The following UTRN variants were observed in gnomAD, a reference collection of about 807,000 sequenced individuals.
UTRN encodes dystrophin-related protein 1.
UTRN carries 283 observed loss-of-function variants against 463.9 expected under a neutral mutation model. The observed-to-expected ratio is 0.61, with a 90% CI of 0.55 to 0.67. The LOEUF is 0.67. Among genes scored for constraint, UTRN ranks in the 30% least tolerant of loss-of-function variants. The probability of loss-of-function intolerance (pLI) is 0.00; values close to 1 mark genes in which losing one functional copy is unlikely to be tolerated. For synonymous variants in UTRN, 1,442 were observed against 1,431.5 expected (o/e 1.01, Z -0.17); for missense variants, 3,922 against 4,084.3 (o/e 0.96, Z 1.08).
intron 23 of UTRN, 89 bp from the exon 24 acceptor site, chr6:144,473,631 G>A: frequency 1.1e-6 from 1 of 897,514 alleles, no homozygotes. Context: ...GCTTTAAAAA[G>A]TTCCTTTGTT....
intron 3 of UTRN, among the ~76,000 whole-genome samples, chr6:144,410,673 T>A (rs1227412514): frequency 6.6e-6 from 1 of 151,858 alleles, no homozygotes; most frequent in Admixed American, 6.6e-5. Flanking sequence ...GAACATATGA[T>A]GTTTGGTTGC....
chr6:144,662,522 A>C (rs530683125), intron 51 of UTRN, among the ~76,000 whole-genome samples: 10 of 152,316 alleles, frequency 6.6e-5, no homozygotes, highest in African/African-American at 2.4e-4. Flanking sequence ...GTTTCTAGAG[A>C]GAATACTAGC....
Position 144,801,527 on chromosome 6 carries a change from G to GAT in UTRN, c.9246-1494_9246-1493dup, listed in dbSNP as rs151073512. Reference sequence around the variant, plus strand: ...GTCTTTCTATCAAGCTTCTACCCAAGATATATATATATATATTTCATTTTC... The same window carrying GAT: ...GTCTTTCTATCAAGCTTCTACCCAAGATATATATATATATATATTTCATTTTC... On this transcript the variant is annotated intron_variant, in intron 64 of 74. Coordinates refer to ENST00000367545, the MANE Select transcript of UTRN (RefSeq NM_007124.3). 8.6e-3 allele frequency among the ~76,000 whole-genome samples: 1,283 copies of GAT among 149,752 alleles called. 19 individuals carry two copies. Among genetic ancestry groups the GAT allele is most frequent in the East Asian group, 0.056 (287 of 5,122 alleles).
rs755580815 is a variant in UTRN, at chr6:144,490,991, G to A, written c.4326G>A (p.Gln1442=). 4.0e-5 allele frequency: 65 copies of A among 1,613,784 alleles called. No homozygotes were observed. The highest frequency in any genetic ancestry group is 5.4e-5 in the Non-Finnish European group (64 of 1,179,870). ...QLFQKPANFE[Q]RMLDCKRVLD... ...TCCAGAAGCCAGCTAACTTCGAGCA[G>A]CGCATGCTGGACTGCAAGCGTGTGC... The change falls in exon 32 of 75, where the codon CAG becomes CAA. Residue 1442 remains glutamine (Q), a synonymous_variant. Transcript: ENST00000367545.
chr6:144,542,910 C>T (rs752801021), intron 46 of UTRN, 40 bp downstream of exon 46: 1 of 1,557,254 alleles, frequency 6.4e-7, no homozygotes, highest in Admixed American at 1.9e-5. Context: ...TTTAAAAAAT[C>T]AGTATGTAAA....
At chr6:144,459,419 T>C in intron 21 of UTRN, 65 bp downstream of exon 21, 1 of 1,496,396 alleles carries the variant, frequency 6.7e-7, no homozygotes, top group East Asian at 2.3e-5. Flanking sequence ...ACTCCCAACA[T>C]TTAGAACTTG....
intron 51 of UTRN, among the ~76,000 whole-genome samples, chr6:144,615,178 C>G (rs1400735204): frequency 6.6e-6 from 1 of 152,080 alleles, no homozygotes; most frequent in Non-Finnish European, 1.5e-5. Flanking sequence ...AGCACTAGAT[C>G]TGTAGTTTCA....
intron 44 of UTRN, among the ~76,000 whole-genome samples, chr6:144,538,618 C>T (rs1011494491): frequency 6.7e-6 from 1 of 148,834 alleles, no homozygotes; most frequent in Non-Finnish European, 1.5e-5. Flanking sequence ...TGCAGTGAGC[C>T]GAGATCGTGC....
intron 32 of UTRN, 47 bp downstream of exon 32, chr6:144,491,149 T>A (rs780635892): frequency 1.3e-6 from 2 of 1,547,632 alleles, no homozygotes; most frequent in Non-Finnish European, 1.7e-6. Flanking sequence ...TTTCAGCAGC[T>A]GTTATGGCTT....
rs1469566311 is a variant in UTRN, at chr6:144,480,703, C to T, written c.3507+721C>T. On this transcript the variant is annotated intron_variant, in intron 26 of 74. Coordinates refer to ENST00000367545, the MANE Select transcript of UTRN (RefSeq NM_007124.3). ...AATTTCTAACACAGCTTCAACTGTC[C>T]TTGAATGTTCAAGCCAAAGGAGATG... 2.0e-5 allele frequency among the ~76,000 whole-genome samples: 3 copies of T among 152,140 alleles called. No homozygotes were observed. In the East Asian group the frequency reaches 5.8e-4, roughly 29 times the overall value.
chr6:144,454,615 G>A (rs1052152518), intron 19 of UTRN, among the ~76,000 whole-genome samples: 2 of 152,070 alleles, frequency 1.3e-5, no homozygotes, highest in Admixed American at 1.3e-4. Flanking sequence ...AATCTTAAAA[G>A]CAGTAGCATT....
chr6:144,846,044 C>T (rs2128765379), intron 73 of UTRN, among the ~76,000 whole-genome samples: 1 of 152,186 alleles, frequency 6.6e-6, no homozygotes, highest in South Asian at 2.1e-4. Flanking sequence ...CAGATCTCCT[C>T]TTTTCCCCCC....
At chr6:144,690,363 C>T (rs1586031978) in intron 52 of UTRN, among the ~76,000 whole-genome samples, 1 of 151,904 alleles carries the variant, frequency 6.6e-6, no homozygotes, top group East Asian at 1.9e-4. Context: ...CTTCCCTGCA[C>T]TTGGCAAGGC....
At chr6:144,779,528 A>G (rs771709134) in intron 60 of UTRN, among the ~76,000 whole-genome samples, 4 of 152,228 alleles carry the variant, frequency 2.6e-5, no homozygotes, top group Non-Finnish European at 5.9e-5. Flanking sequence ...ATTGGAAGTG[A>G]TCATCATAAA....
rs375569565 is a variant in UTRN at position 144,400,715 on chromosome 6, G to A, written c.80-2408G>A. 2.4e-4 allele frequency among the ~76,000 whole-genome samples: 37 copies of A among 152,254 alleles called. 1 individual carries two copies. The East Asian group carries it at 5.4e-3, about 22-fold the overall frequency. On this transcript the variant is annotated intron_variant, in intron 2 of 74. Coordinates refer to ENST00000367545, the MANE Select transcript of UTRN (RefSeq NM_007124.3). ...TAACTGTATCAAGAGAATGAATGCGGAAGTGTGTTTATAAACTTTGAAGTA... is the reference window on the plus strand; with the variant it reads ...TAACTGTATCAAGAGAATGAATGCGAAAGTGTGTTTATAAACTTTGAAGTA...
intron 2 of UTRN, among the ~76,000 whole-genome samples, chr6:144,378,028 G>C (rs550905719): frequency 6.6e-6 from 1 of 152,298 alleles, no homozygotes; most frequent in East Asian, 1.9e-4. Context: ...TTTGTGGTCT[G>C]CCTTTAGGGA....
In UTRN at chr6:144,680,804, A is replaced by C. The variant is rs556246617; in HGVS notation, c.7652+2226A>C. Among the ~76,000 whole-genome samples the C allele has an allele frequency of 3.3e-5, 5 of 152,310 alleles. No homozygotes were observed. The East Asian group carries it at 7.7e-4, about 23-fold the overall frequency. ...ATGACTGGGGAAGGGTAACTAAGTT[A>C]GGGGCTTGAAATAACACTGTGTTGA... is the stretch of plus-strand genomic sequence containing the variant. On this transcript the variant is annotated intron_variant, in intron 52 of 74. Transcript: ENST00000367545.
chr6:144,777,618 T>G (rs928456862), intron 60 of UTRN, among the ~76,000 whole-genome samples: 3 of 152,224 alleles, frequency 2.0e-5, no homozygotes, highest in Non-Finnish European at 4.4e-5. Flanking sequence ...ATTTTCTGTT[T>G]TCCTTTGTAT....
chr6:144,328,692 T>C (rs1041730643), intron 2 of UTRN, among the ~76,000 whole-genome samples: 4 of 152,176 alleles, frequency 2.6e-5, no homozygotes, highest in African/African-American at 9.7e-5. Flanking sequence ...TTATATCTCA[T>C]GATAGTGATC....
Sources: gnomAD v4.1 joint callset for allele counts (sites outside exome capture counted in the v4.1 genomes callset) on GRCh38, gnomAD v4.1.1 for gene constraint, MANE v1.5 for transcripts, NCBI Gene and HGNC (gene_info 2026-07-23, HGNC 2026-07-21) for gene names.